The following HDGFL3 variants were observed in gnomAD, a reference collection of about 807,000 sequenced individuals.
HDGFL3 encodes hepatoma-derived growth factor-related protein 3.
Under a neutral mutation model 27.6 loss-of-function variants are expected in HDGFL3, and 6 were observed. The ratio of observed to expected loss-of-function variants is 0.22; its 90% CI spans 0.12 to 0.43. The LOEUF (loss-of-function observed/expected upper bound fraction) is 0.43, where lower values mean the gene tolerates loss of function less well. Ranked by LOEUF, HDGFL3 falls within the 20% of genes least tolerant of loss-of-function variation. HDGFL3 has a pLI of 1.00. For synonymous variants in HDGFL3, 88 were observed against 88.9 expected (o/e 0.99, Z 0.05); for missense variants, 207 against 250.1 (o/e 0.83, Z 1.16).
At chr15:83,122,518 GGT>G (rs1448879732) in intron 3 of HDGFL3, among the ~76,000 whole-genome samples, 6 of 152,070 alleles carry the variant, frequency 3.9e-5, no homozygotes, top group African/African-American at 1.2e-4. Flanking sequence ...GGCTTGCAGT[GGT>G]ACAGCCATAG....
chr15:83,127,500 A>G (rs1230297200), downstream of HDGFL3: 12 of 1,612,270 alleles, frequency 7.4e-6, no homozygotes, highest in Non-Finnish European at 1.0e-5. Flanking sequence ...TTCTGTTGAG[A>G]AGGTTTACTT....
At chr15:83,127,293 TAC>T, downstream of HDGFL3, 1 of 1,470,794 alleles carries the variant, frequency 6.8e-7, no homozygotes, top group Non-Finnish European at 9.0e-7. Flanking sequence ...TACTTTTTTG[TAC>T]TTTTTAGTCA....
At chr15:83,183,115 G>A (rs2037399920) in intron 1 of HDGFL3, among the ~76,000 whole-genome samples, 1 of 152,160 alleles carries the variant, frequency 6.6e-6, no homozygotes, top group Non-Finnish European at 1.5e-5. Context: ...ATATTATCTA[G>A]TCAATAAATC....
intron 1 of HDGFL3, among the ~76,000 whole-genome samples, chr15:83,205,256 G>A (rs918088603): frequency 5.3e-5 from 8 of 152,140 alleles, no homozygotes; most frequent in African/African-American, 1.9e-4. Context: ...TAAAAAAGGG[G>A]ACTCAAATCT....
chr15:83,199,132 T>G (rs541265145), intron 1 of HDGFL3, among the ~76,000 whole-genome samples: 259 of 152,272 alleles, frequency 1.7e-3, no homozygotes, highest in African/African-American at 6.0e-3. Flanking sequence ...GGGAAGGAGA[T>G]AAGAGAAGTT....
chr15:83,181,539 G>A (rs867924203), intron 1 of HDGFL3, among the ~76,000 whole-genome samples: 3 of 152,090 alleles, frequency 2.0e-5, no homozygotes, highest in Non-Finnish European at 2.9e-5. Context: ...GCAGAGGTGC[G>A]ATCTCAGCTC....
chr15:83,173,350 T>C (rs2037269540), intron 1 of HDGFL3, among the ~76,000 whole-genome samples: 1 of 152,218 alleles, frequency 6.6e-6, no homozygotes, highest in Non-Finnish European at 1.5e-5. Context: ...TGTCCAGCTA[T>C]AGGCTAATGT....
intron 1 of HDGFL3, among the ~76,000 whole-genome samples, chr15:83,186,918 A>C (rs2037450237): frequency 1.3e-5 from 2 of 152,212 alleles, no homozygotes; most frequent in African/African-American, 4.8e-5. Flanking sequence ...AAACAAAATT[A>C]TCTTTATTCT....
chr15:83,205,924 C>A (rs551777730), intron 1 of HDGFL3, among the ~76,000 whole-genome samples: 1 of 152,224 alleles, frequency 6.6e-6, no homozygotes, highest in African/African-American at 2.4e-5. Context: ...TATTTTCAGT[C>A]TACTGGAACC....
intron 5 of HDGFL3, among the ~76,000 whole-genome samples, chr15:83,149,478 TAAG>T (rs1459691606): frequency 6.6e-6 from 1 of 152,052 alleles, no homozygotes; most frequent in Non-Finnish European, 1.5e-5. Context: ...AGAAAGAGAC[TAAG>T]AAGGAACAGG....
intron 2 of HDGFL3, among the ~76,000 whole-genome samples, chr15:83,161,094 A>G (rs2037096537): frequency 6.6e-6 from 1 of 152,226 alleles, no homozygotes; most frequent in Non-Finnish European, 1.5e-5. Flanking sequence ...GTCGTGAATT[A>G]TTAGACTCTA....
chr15:83,153,549 A>G, intron 4 of HDGFL3, among the ~76,000 whole-genome samples: 1 of 152,172 alleles, frequency 6.6e-6, no homozygotes, highest in Non-Finnish European at 1.5e-5. Flanking sequence ...AAAGCTTTTC[A>G]GATTACTGAA....
At chr15:83,159,751 G>A (rs957962116) in intron 2 of HDGFL3, among the ~76,000 whole-genome samples, 2 of 152,194 alleles carry the variant, frequency 1.3e-5, no homozygotes, top group African/African-American at 4.8e-5. Context: ...GGTGGGAGAG[G>A]AAGAGTGCCT....
intron 5 of HDGFL3, chr15:83,144,555 G>A (rs1020620619): frequency 2.2e-6 from 1 of 455,974 alleles, no homozygotes; most frequent in Non-Finnish European, 4.4e-6. Context: ...CTCATGGTGA[G>A]ATCCATGGGG....
chr15:83,206,771 G>A (rs952122083), intron 1 of HDGFL3, among the ~76,000 whole-genome samples: 9 of 152,184 alleles, frequency 5.9e-5, no homozygotes, highest in African/African-American at 2.2e-4. Flanking sequence ...TAGGGCAGGC[G>A]GGGCACCGGG....
At chr15:83,147,155 C>T (rs1443334666) in intron 5 of HDGFL3, among the ~76,000 whole-genome samples, 2 of 152,030 alleles carry the variant, frequency 1.3e-5, no homozygotes, top group African/African-American at 4.8e-5. Flanking sequence ...CTCCACCTCC[C>T]GGGTTCAAGT....
chr15:83,142,009 G>A (rs1349303245), intron 5 of HDGFL3, among the ~76,000 whole-genome samples: 1 of 152,088 alleles, frequency 6.6e-6, no homozygotes, highest in African/African-American at 2.4e-5. Context: ...TTACTAAAAA[G>A]TCAAAAAATA....
chr15:83,121,932 G>A, intron 3 of HDGFL3: 1 of 1,606,332 alleles, frequency 6.2e-7, no homozygotes, highest in Non-Finnish European at 8.5e-7. Flanking sequence ...GAAACTTATA[G>A]AACCATTGGC....
chr15:83,192,146 T>G, intron 1 of HDGFL3: 1 of 333,598 alleles, frequency 3.0e-6, no homozygotes, highest in Non-Finnish European at 5.8e-6. Flanking sequence ...TTCACCATGT[T>G]GGCCAGGCTG....
Sources: allele counts gnomAD v4.1 joint callset (sites outside exome capture counted in the v4.1 genomes callset), GRCh38; gene constraint gnomAD v4.1.1; transcripts MANE v1.5; gene names NCBI Gene and HGNC (gene_info 2026-07-23, HGNC 2026-07-21).